ZHX3: variants seen among roughly 807,000 people sequenced by gnomAD.
ZHX3 encodes the protein zinc fingers and homeoboxes 3, also known as zinc fingers and homeoboxes protein 3.
In ZHX3, 20 loss-of-function variants were observed where a neutral mutation model predicts 64.5. That is an observed-to-expected ratio of 0.31 (90% CI 0.22 to 0.45). The LOEUF is 0.45. Ranked by LOEUF, ZHX3 falls within the 20% of genes least tolerant of loss-of-function variation. The pLI, the probability that ZHX3 is intolerant of heterozygous loss-of-function variation, is 1.00. For missense variants in ZHX3, 1,041 were observed against 1,195.8 expected (o/e 0.87, Z 1.91); for synonymous variants, 423 against 461.6 (o/e 0.92, Z 1.07).
intron 1 of ZHX3, among the ~76,000 whole-genome samples, chr20:41,310,755 A>G (rs1218573525): frequency 6.6e-6 from 1 of 151,348 alleles, no homozygotes; most frequent in Admixed American, 6.6e-5. Context: ...ACGTTGTCAT[A>G]CATCAATAGA....
chr20:41,197,478 A>T (rs11698177), intron 3 of ZHX3, among the ~76,000 whole-genome samples: 7,097 of 150,436 alleles, frequency 0.047, 245 homozygotes, highest in South Asian at 0.1. Flanking sequence ...GTGATAATAT[A>T]GCCACCTCAG....
At chr20:41,198,242 C>T (rs896616259) in intron 3 of ZHX3, among the ~76,000 whole-genome samples, 4 of 151,962 alleles carry the variant, frequency 2.6e-5, no homozygotes, top group Non-Finnish European at 4.4e-5. Flanking sequence ...GTGATCCACC[C>T]GCCTCGGCCT....
chr20:41,314,893 G>A (rs756679730), intron 1 of ZHX3, among the ~76,000 whole-genome samples: 3 of 152,094 alleles, frequency 2.0e-5, no homozygotes, highest in Non-Finnish European at 2.9e-5. Flanking sequence ...AATGGGCCAG[G>A]TGCAGTTTCT....
rs572650922 is a variant in ZHX3, at chr20:41,280,029, G to T, written c.-244-10946C>A. 2.6e-5 allele frequency among the ~76,000 whole-genome samples: 4 copies of T among 152,238 alleles called. No homozygotes were observed. In the South Asian group the frequency reaches 8.3e-4, roughly 32 times the overall value. Reference sequence around the variant, plus strand: ...TGTAATAAAGTGGAGGATCAGCTGTGGGGGAACCACCCACACAGGCGCTGG... The same window carrying T: ...TGTAATAAAGTGGAGGATCAGCTGTTGGGGAACCACCCACACAGGCGCTGG... On this transcript the variant is annotated intron_variant, in intron 1 of 3. Coordinates refer to ENST00000683867, the MANE Select transcript of ZHX3 (RefSeq NM_001384317.1).
At chr20:41,193,757 A>G (rs1232950219) in intron 3 of ZHX3, among the ~76,000 whole-genome samples, 2 of 148,882 alleles carry the variant, frequency 1.3e-5, no homozygotes, top group East Asian at 2.0e-4. Context: ...ACCAGGCTGG[A>G]GTGCAGTGGC....
chr20:41,222,270 G>A (rs1411532267), intron 2 of ZHX3, among the ~76,000 whole-genome samples: 4 of 152,170 alleles, frequency 2.6e-5, no homozygotes, highest in South Asian at 2.1e-4. Flanking sequence ...TTGTAGCCAC[G>A]GGAATCAAGG....
intron 1 of ZHX3, among the ~76,000 whole-genome samples, chr20:41,292,013 T>TTAA (rs560391695): frequency 2.2e-4 from 21 of 94,712 alleles, no homozygotes; most frequent in Middle Eastern, 5.6e-3. Context: ...ACCTCATCTT[T>TTAA]AAAAAAAAAA....
At chr20:41,252,075 T>C (rs1201967631) in intron 2 of ZHX3, among the ~76,000 whole-genome samples, 1 of 152,106 alleles carries the variant, frequency 6.6e-6, no homozygotes, top group African/African-American at 2.4e-5. Flanking sequence ...GAGGAGGAAA[T>C]AGTCTTTATC....
intron 3 of ZHX3, chr20:41,196,502 T>TAATTATATTTA (rs1555826808): frequency 7.1e-5 from 1 of 14,002 alleles, no homozygotes; most frequent in African/African-American, 2.4e-4. Flanking sequence ...ATATTATATA[T>TAATTATATTTA]TATAAATATA....
At chr20:41,236,695 C>T (rs1390339959) in intron 2 of ZHX3, among the ~76,000 whole-genome samples, 8 of 152,168 alleles carry the variant, frequency 5.3e-5, no homozygotes, top group Non-Finnish European at 8.8e-5. Context: ...CAATACCATT[C>T]AGGACATAGG....
chr20:41,307,674 G>A (rs1281533062), intron 1 of ZHX3, among the ~76,000 whole-genome samples: 1 of 152,166 alleles, frequency 6.6e-6, no homozygotes, highest in Non-Finnish European at 1.5e-5. Context: ...AATAAATGAT[G>A]CCTTAGTAAA....
chr20:41,199,154 C>G (rs960005682), intron 3 of ZHX3, among the ~76,000 whole-genome samples: 2 of 152,126 alleles, frequency 1.3e-5, no homozygotes, highest in Non-Finnish European at 2.9e-5. Context: ...AGTTCTTCGT[C>G]CATGTTTTCC....
intron 3 of ZHX3, among the ~76,000 whole-genome samples, chr20:41,190,061 T>G (rs969999117): frequency 6.6e-6 from 1 of 152,212 alleles, no homozygotes; most frequent in East Asian, 1.9e-4. Context: ...TTCTGTTTAT[T>G]GAGATGACCA....
Position 41,308,716 on chromosome 20 carries a change from T to G in ZHX3, c.-245+8793A>C, listed in dbSNP as rs184291914. On this transcript the variant is annotated intron_variant, in intron 1 of 3. Transcript: ENST00000683867. ...TTCCTCTCCTTGTCATGGAAAGAAT[T>G]TTCCCAGGGAAAATAGGGAGAATGG... Among the ~76,000 whole-genome samples, 424 of 152,246 alleles carry G rather than the reference T, an allele frequency of 2.8e-3. 3 individuals carry two copies. The highest frequency in any genetic ancestry group is 0.015 in the South Asian group (74 of 4,818).
chr20:41,300,294 A>AT (rs576477882), intron 1 of ZHX3, among the ~76,000 whole-genome samples: 9 of 151,572 alleles, frequency 5.9e-5, no homozygotes, highest in African/African-American at 1.5e-4. Flanking sequence ...ATTCTTAGTC[A>AT]TTTTTTTTTC....
intron 1 of ZHX3, chr20:41,269,289 ACT>A (rs1343393539): frequency 1.3e-5 from 2 of 152,166 alleles, no homozygotes; most frequent in Non-Finnish European, 2.9e-5. Context: ...AATAAAGCAA[ACT>A]CAATGGTCTC....
intron 2 of ZHX3, among the ~76,000 whole-genome samples, chr20:41,247,912 A>G (rs2041790634): frequency 6.6e-6 from 1 of 151,696 alleles, no homozygotes; most frequent in African/African-American, 2.4e-5. Context: ...TCCTACCTCA[A>G]CTCTGCCTAG....
At chr20:41,214,763 T>C (rs1320965038) in intron 2 of ZHX3, among the ~76,000 whole-genome samples, 1 of 152,236 alleles carries the variant, frequency 6.6e-6, no homozygotes, top group Non-Finnish European at 1.5e-5. Context: ...AAGACACTCA[T>C]GGAGCATGTC....
intron 2 of ZHX3, among the ~76,000 whole-genome samples, chr20:41,258,386 A>C (rs2042378965): frequency 6.6e-6 from 1 of 152,190 alleles, no homozygotes; most frequent in Non-Finnish European, 1.5e-5. Context: ...GACCTTATTC[A>C]AGTCGTACCG....
Sources: gnomAD v4.1 joint callset for allele counts (sites outside exome capture counted in the v4.1 genomes callset) on GRCh38, gnomAD v4.1.1 for gene constraint, MANE v1.5 for transcripts, NCBI Gene and HGNC (gene_info 2026-07-23, HGNC 2026-07-21) for gene names.